The following PTPRK variants were observed in gnomAD, a reference collection of about 807,000 sequenced individuals.
PTPRK encodes receptor-type tyrosine-protein phosphatase kappa.
A neutral mutation model predicts 178.0 loss-of-function variants in PTPRK; 75 were observed. The observed-to-expected ratio is 0.42, with a 90% confidence interval of 0.35 to 0.51. The LOEUF (loss-of-function observed/expected upper bound fraction) is 0.51, where lower values mean the gene tolerates loss of function less well. PTPRK is among the 20% of genes least tolerant of loss of function. The pLI, the probability that PTPRK is intolerant of heterozygous loss-of-function variation, is 0.02. For synonymous variants in PTPRK, 637 were observed against 620.6 expected (o/e 1.03, Z -0.39); for missense variants, 1,441 against 1,797.8 (o/e 0.80, Z 3.59).
At position 127,973,143 on chromosome 6, in the gene PTPRK, C is replaced by G; in HGVS notation, c.4148G>C (p.Arg1383Pro). 6.2e-7 allele frequency: 1 copy of G among 1,610,958 alleles called. No homozygotes were observed. The highest frequency in any genetic ancestry group is 8.5e-7 in the Non-Finnish European group (1 of 1,178,688). Residue 1383 changes from arginine (R) to proline (P), a missense_variant, in exon 29 of 30, where the codon CGA becomes CCA. Arg to Pro is a moderately radical substitution (Grantham distance 103). Coordinates refer to ENST00000368226, the MANE Select transcript of PTPRK (RefSeq NM_002844.4). ...TIIHCLNGGG[R>P]SGMFCAIGIV... ...GCCTATAGCACAGAACATGCCACTT[C>G]GCCCGCCACCATTTCTGAAAGCAAA...
chr6:128,180,061 T>C (rs988708469), intron 7 of PTPRK, among the ~76,000 whole-genome samples: 14 of 152,078 alleles, frequency 9.2e-5, no homozygotes, highest in Non-Finnish European at 1.5e-4. Flanking sequence ...CTCTGAACTA[T>C]TGACCTTCCC....
At chr6:128,140,500 C>T (rs1053612269) in intron 7 of PTPRK, among the ~76,000 whole-genome samples, 1 of 151,850 alleles carries the variant, frequency 6.6e-6, no homozygotes, top group Non-Finnish European at 1.5e-5. Context: ...GTCTTTAGTT[C>T]CCTGATTCTT....
chr6:128,304,961 A>G (rs1015394745), intron 3 of PTPRK, among the ~76,000 whole-genome samples: 8 of 152,312 alleles, frequency 5.3e-5, no homozygotes, highest in African/African-American at 1.9e-4. Flanking sequence ...AGCAGTGGCA[A>G]ATGGCAGTTC....
intron 2 of PTPRK, among the ~76,000 whole-genome samples, chr6:128,327,544 T>C (rs1472919521): frequency 1.3e-5 from 2 of 152,182 alleles, no homozygotes; most frequent in African/African-American, 4.8e-5. Context: ...TTTTCTGTCC[T>C]CAAACTGTCT....
chr6:128,058,963 G>A (rs1780364690), intron 13 of PTPRK, among the ~76,000 whole-genome samples: 1 of 151,826 alleles, frequency 6.6e-6, no homozygotes, highest in African/African-American at 2.4e-5. Context: ...TTTTACCTTT[G>A]TCATAAAAAA....
At chr6:128,126,626 A>G (rs1793420756) in intron 7 of PTPRK, among the ~76,000 whole-genome samples, 2 of 152,042 alleles carry the variant, frequency 1.3e-5, no homozygotes, top group African/African-American at 4.8e-5. Flanking sequence ...AGCTGGAACC[A>G]TATGTGTGCA....
chr6:128,204,656 GAA>G, intron 6 of PTPRK, among the ~76,000 whole-genome samples: 1 of 138,696 alleles, frequency 7.2e-6, no homozygotes. Context: ...CAACAAACAT[GAA>G]AAAAAAAAAA....
At position 127,973,013 on chromosome 6, in the gene PTPRK, G is replaced by A; in HGVS notation, c.4269+9C>T. ...AGATGCCTTCCAAATCTAAGATTCT[G>A]TGACTCACCGGGGCTTCCACCATGT... is the stretch of plus-strand genomic sequence containing the variant. On this transcript the variant is annotated intron_variant, in intron 29 of 29. Coordinates refer to ENST00000368226, the MANE Select transcript of PTPRK (RefSeq NM_002844.4). The A allele has an allele frequency of 6.2e-7, 1 of 1,613,640 alleles. No individual in the cohort carries two copies. The highest frequency in any genetic ancestry group is 8.5e-7 in the Non-Finnish European group (1 of 1,179,644).
At chr6:128,011,800 A>AT (rs1021194355) in intron 13 of PTPRK, among the ~76,000 whole-genome samples, 12 of 151,066 alleles carry the variant, frequency 7.9e-5, no homozygotes, top group African/African-American at 1.5e-4. Context: ...TCTGAAAGTA[A>AT]TTTTTTTAAC....
intron 1 of PTPRK, among the ~76,000 whole-genome samples, chr6:128,458,040 G>C (rs1028019035): frequency 7.2e-5 from 11 of 152,080 alleles, no homozygotes; most frequent in Non-Finnish European, 1.2e-4. Flanking sequence ...AGTAGAGAAG[G>C]CAAGAAAATC....
intron 17 of PTPRK, among the ~76,000 whole-genome samples, chr6:127,995,893 G>A (rs890116547): frequency 1.3e-5 from 2 of 151,948 alleles, no homozygotes; most frequent in Middle Eastern, 3.2e-3. Context: ...CTTTTCTTCT[G>A]CACTTTACAG....
chr6:128,000,379 C>T, intron 15 of PTPRK: 4 of 1,177,946 alleles, frequency 3.4e-6, no homozygotes, highest in Non-Finnish European at 4.3e-6. Flanking sequence ...TTGTGTGCCT[C>T]TGTAATTTAG....
intron 27 of PTPRK, 125 bp downstream of exon 27, chr6:127,976,532 G>T: frequency 8.6e-7 from 1 of 1,168,614 alleles, no homozygotes; most frequent in Non-Finnish European, 1.2e-6. Context: ...ATGGTTACTA[G>T]CTTTGAGGTG....
intron 9 of PTPRK, 143 bp from the exon 10 acceptor site, chr6:128,082,781 A>G (rs1785052678): frequency 5.3e-6 from 3 of 565,658 alleles, no homozygotes; most frequent in Non-Finnish European, 8.9e-6. Context: ...TCATGTTGAT[A>G]TTGTTATTTC....
rs1252625241 is a variant in PTPRK at position 128,358,294 on chromosome 6, C to CGGT, written c.224-35987_224-35985dup. Among the ~76,000 whole-genome samples, 15 of 152,268 alleles carry CGGT rather than the reference C, an allele frequency of 9.9e-5. 1 individual carries two copies. The highest frequency in any genetic ancestry group is 3.6e-4 in the African/African-American group (15 of 41,564). On this transcript the variant is annotated intron_variant, in intron 2 of 29. Coordinates refer to ENST00000368226, the MANE Select transcript of PTPRK (RefSeq NM_002844.4). ...CTCTACAATCCCATTCAGACACCAT[C>CGGT]GGTGGTGAGGGGTGGCAGTGCTCCT...
intron 3 of PTPRK, among the ~76,000 whole-genome samples, chr6:128,288,766 A>G (rs1240178133): frequency 6.6e-6 from 1 of 152,120 alleles, no homozygotes; most frequent in Non-Finnish European, 1.5e-5. Flanking sequence ...TTCACACTCT[A>G]TAGTCAGTTA....
chr6:128,266,653 T>C (rs1819000224), intron 3 of PTPRK, among the ~76,000 whole-genome samples: 1 of 152,004 alleles, frequency 6.6e-6, no homozygotes, highest in Admixed American at 6.6e-5. Context: ...GAAGGCAACA[T>C]GTCCAAAAGT....
intron 1 of PTPRK, among the ~76,000 whole-genome samples, chr6:128,406,630 C>T (rs898534194): frequency 6.6e-6 from 1 of 152,230 alleles, no homozygotes; most frequent in Admixed American, 6.5e-5. Context: ...TTAATGTTGA[C>T]TGACATCAGA....
In PTPRK at chr6:128,347,536, G is replaced by C. The variant is rs571121722; in HGVS notation, c.224-25226C>G. 4.6e-5 allele frequency among the ~76,000 whole-genome samples: 7 copies of C among 152,124 alleles called. 1 individual carries two copies. The South Asian group carries it at 8.3e-4, about 18-fold the overall frequency. On this transcript the variant is annotated intron_variant, in intron 2 of 29. Coordinates refer to ENST00000368226, the MANE Select transcript of PTPRK (RefSeq NM_002844.4). Reference sequence around the variant, plus strand: ...TTTGTTTATATGTTTTTAAGAAGCAGGAAAGTCAAACCTATACCAGGGACC... The same window carrying C: ...TTTGTTTATATGTTTTTAAGAAGCACGAAAGTCAAACCTATACCAGGGACC...
Sources: gnomAD v4.1 joint callset for allele counts (sites outside exome capture counted in the v4.1 genomes callset) on GRCh38, gnomAD v4.1.1 for gene constraint, MANE v1.5 for transcripts, NCBI Gene and HGNC (gene_info 2026-07-23, HGNC 2026-07-21) for gene names.